The following TJP3 variants were observed in gnomAD, a reference collection of about 807,000 sequenced individuals.
The protein encoded by TJP3 is tight junction protein ZO-3.
Under a neutral mutation model 104.2 loss-of-function variants are expected in TJP3, and 85 were observed. The observed-to-expected ratio is 0.82, with a 90% confidence interval of 0.68 to 0.98. TJP3 has a LOEUF of 0.98. TJP3 is among the 50% of genes least tolerant of loss of function. The pLI, the probability that TJP3 is intolerant of heterozygous loss-of-function variation, is 0.00. For synonymous variants in TJP3, 550 were observed against 550.6 expected (o/e 1.00, Z 0.02); for missense variants, 1,367 against 1,322.8 (o/e 1.03, Z -0.52).
Position 3,734,321 on chromosome 19 carries a change from C to T in TJP3, c.878-6C>T, listed in dbSNP as rs760001909. The T allele has an allele frequency of 9.9e-6, 16 of 1,613,328 alleles. No individual in the cohort carries two copies. The South Asian group carries it at 1.8e-4, about 18-fold the overall frequency. ...ATGGCTGATGAGATGTCCTCTCCCC[C>T]TGCAGACATCTCGGACCTCGCCTCG... On this transcript the variant is annotated splice_polypyrimidine_tract_variant and splice_region_variant and intron_variant, in intron 7 of 20. Coordinates refer to ENST00000541714, the MANE Select transcript of TJP3 (RefSeq NM_001267560.2).
Position 3,738,985 on chromosome 19 carries a change from G to T in TJP3, c.1482G>T (p.Leu494=). 6.2e-7 allele frequency: 1 copy of T among 1,613,276 alleles called. No individual in the cohort carries two copies. Among genetic ancestry groups the T allele is most frequent in the Non-Finnish European group, 8.5e-7 (1 of 1,179,850 alleles). Residue 494 remains leucine (L), a synonymous_variant, in exon 13 of 21, where the codon CTG becomes CTT. Transcript: ENST00000541714. ...FELEPSPPSG[L]GFTRGDVFHV... ...TGGAGCCCAGTCCACCGTCTGGCCT[G>T]GGCTTCACCCGTGGCGACGTCTTCC...
In TJP3 at chr19:3,735,558, C is replaced by A; in HGVS notation, c.987-8C>A. 6.2e-7 allele frequency: 1 copy of A among 1,614,120 alleles called. No individual in the cohort carries two copies. Among genetic ancestry groups the A allele is most frequent in the Non-Finnish European group, 8.5e-7 (1 of 1,179,994 alleles). Reference sequence around the variant, plus strand: ...TCCCTGCCTCACTCCCAATCTGTTCCCCACCAGGGAGAGTCCCCGGCTTCG... The same window carrying A: ...TCCCTGCCTCACTCCCAATCTGTTCACCACCAGGGAGAGTCCCCGGCTTCG... On this transcript the variant is annotated splice_region_variant and splice_polypyrimidine_tract_variant and intron_variant, in intron 8 of 20. Transcript: ENST00000541714.
At chr19:3,721,774 G>C in intron 1 of TJP3, 1 of 477,602 alleles carries the variant, frequency 2.1e-6, no homozygotes, top group Non-Finnish European at 3.3e-6. Context: ...GAGGACGAGA[G>C]CCCGGCCCTC....
In TJP3 at chr19:3,746,756, C is replaced by A; in HGVS notation, c.2222-20C>A. The stretch of plus-strand genomic sequence containing the variant: ...CCCCAGCCTGAGTCTCCTGCACACA[C>A]TGACGTCCCCTCCCTGCAGCCACCA... On this transcript the variant is annotated intron_variant, in intron 17 of 20. Coordinates refer to ENST00000541714, the MANE Select transcript of TJP3 (RefSeq NM_001267560.2). This position sits in a 1 kb window ranked among gnomAD's most constrained non-coding sequence, Gnocchi z 4.1. 3 of 1,601,626 alleles carry A rather than the reference C, an allele frequency of 1.9e-6. No homozygotes were observed. The highest frequency in any genetic ancestry group is 2.6e-6 in the Non-Finnish European group (3 of 1,173,958).
In TJP3 at chr19:3,716,420, C is replaced by G. The variant is rs139931678; in HGVS notation, c.-10+7859C>G. Reference sequence around the variant, plus strand: ...TCAAGACGTTGCCAAGGGTCCCCCTCTGGTGAGAGGCACTGGCTTGGAGTT... The same window carrying G: ...TCAAGACGTTGCCAAGGGTCCCCCTGTGGTGAGAGGCACTGGCTTGGAGTT... On this transcript the variant is annotated intron_variant, in intron 1 of 20. Transcript: ENST00000541714. Among the ~76,000 whole-genome samples, 10 of 148,460 alleles carry G rather than the reference C, an allele frequency of 6.7e-5. 2 individuals carry two copies. The highest frequency in any genetic ancestry group is 1.5e-4 in the Non-Finnish European group (10 of 66,132).
At chr19:3,748,848 C>A (rs1250671549) in intron 19 of TJP3, among the ~76,000 whole-genome samples, 1 of 48,840 alleles carries the variant, frequency 2.0e-5, no homozygotes, top group African/African-American at 1.0e-4. Flanking sequence ...TGCACCCGGC[C>A]TTTTTTTTTT....
At chr19:3,719,790 A>C (rs941392377) in intron 1 of TJP3, among the ~76,000 whole-genome samples, 1 of 151,976 alleles carries the variant, frequency 6.6e-6, no homozygotes, top group Non-Finnish European at 1.5e-5. Context: ...CGATGTGAGA[A>C]GGTGCGTTGA....
intron 12 of TJP3, 32 bp downstream of exon 12, chr19:3,738,695 T>A: frequency 6.3e-7 from 1 of 1,586,596 alleles, no homozygotes; most frequent in South Asian, 1.1e-5. Flanking sequence ...TGTGCCTGTG[T>A]GTTGCGGGGG....
intron 5 of TJP3, among the ~76,000 whole-genome samples, chr19:3,731,003 C>T (rs975989400): frequency 3.9e-5 from 6 of 152,188 alleles, no homozygotes; most frequent in African/African-American, 1.2e-4. Flanking sequence ...ACAACTACAC[C>T]TGGCATCTTC....
intron 5 of TJP3, 49 bp from the exon 6 acceptor site, chr19:3,731,886 G>A (rs1316457871): frequency 5.9e-6 from 9 of 1,532,520 alleles, no homozygotes; most frequent in Admixed American, 3.5e-5. Context: ...ATGCTCCCAG[G>A]CACCCGTCTC....
intron 1 of TJP3, among the ~76,000 whole-genome samples, chr19:3,724,082 C>A (rs1273821041): frequency 6.6e-6 from 1 of 152,086 alleles, no homozygotes; most frequent in Non-Finnish European, 1.5e-5. Context: ...AGGGTTTAGA[C>A]AAAGCTTCTG....
chr19:3,717,983 A>AG (rs1177125432), intron 1 of TJP3, among the ~76,000 whole-genome samples: 3 of 150,212 alleles, frequency 2.0e-5, no homozygotes, highest in African/African-American at 4.9e-5. Context: ...AGGGAGGCCG[A>AG]GGGGGGCGGA....
In TJP3 at chr19:3,733,746, CT is replaced by C. The variant is rs757945114; in HGVS notation, c.718-4del. 1.2e-6 allele frequency: 2 copies of C among 1,614,090 alleles called. No homozygotes were observed. Among genetic ancestry groups the C allele is most frequent in the East Asian group, 4.5e-5 (2 of 44,882 alleles). On this transcript the variant is annotated splice_polypyrimidine_tract_variant and splice_region_variant and intron_variant, in intron 6 of 20. Coordinates refer to ENST00000541714, the MANE Select transcript of TJP3 (RefSeq NM_001267560.2). Reference sequence around the variant, plus strand: ...ACTTCCGCTCTTTCATTCCTGGTCCCTTTCAGATCAACGGGGTGTCTAGCCA... The same window carrying C: ...ACTTCCGCTCTTTCATTCCTGGTCCCTTCAGATCAACGGGGTGTCTAGCCA...
rs1215459660 is a variant in TJP3, at chr19:3,716,801, ATT to A, written c.-10+8255_-10+8256del. Among the ~76,000 whole-genome samples the A allele has an allele frequency of 4.8e-3, 397 of 81,918 alleles. 4 individuals carry two copies. Among genetic ancestry groups the A allele is most frequent in the African/African-American group, 0.019 (379 of 20,406 alleles). The allele number at this position is 81,918 out of a possible 152,430, so 53.7% of individuals were successfully genotyped here. ...CATACATATATATATATATATATAT[ATT>A]TTTTTTTTTTTTTTGAAACAGAGTC... On this transcript the variant is annotated intron_variant, in intron 1 of 20. Transcript: ENST00000541714.
chr19:3,744,103 C>T (rs942979204), intron 15 of TJP3, 69 bp downstream of exon 15: 40 of 1,444,606 alleles, frequency 2.8e-5, no homozygotes, highest in South Asian at 8.1e-5. Context: ...TGTGGGGGGT[C>T]GGGGGAGAGT....
chr19:3,746,163 T>C lies in TJP3; in HGVS notation c.2010+82T>C. 1 of 1,366,942 alleles carries C rather than the reference T, an allele frequency of 7.3e-7. No homozygotes were observed. The highest frequency in any genetic ancestry group is 1.0e-6 in the Non-Finnish European group (1 of 979,354). The allele number at this position is 1,366,942 out of a possible 1,614,324, so 84.7% of individuals were successfully genotyped here. On this transcript the variant is annotated intron_variant, in intron 16 of 20. Transcript: ENST00000541714. The surrounding 1 kb of genome is among the most constrained non-coding windows in gnomAD (Gnocchi z 4.1). Reference sequence around the variant, plus strand: ...GCATCCAACTGAATGTCCTGACCTGTTCTCAGCCCACACCCCACAAGTGCA... The same window carrying C: ...GCATCCAACTGAATGTCCTGACCTGCTCTCAGCCCACACCCCACAAGTGCA...
intron 14 of TJP3, among the ~76,000 whole-genome samples, chr19:3,742,931 A>T (rs1311908571): frequency 6.6e-6 from 1 of 150,724 alleles, no homozygotes; most frequent in Non-Finnish European, 1.5e-5. Context: ...AAGCCACTGC[A>T]CCGCCAGCCT....
At chr19:3,738,840 G>A in intron 12 of TJP3, 57 bp from the exon 13 acceptor site, 1 of 1,487,280 alleles carries the variant, frequency 6.7e-7, no homozygotes, top group South Asian at 1.3e-5. Context: ...CTCGGGTGGG[G>A]AGGGCTCAGA....
In TJP3 at chr19:3,750,662, G is replaced by C. The variant is rs766669415; in HGVS notation, c.2738G>C (p.Trp913Ser). 2.5e-6 allele frequency: 4 copies of C among 1,603,920 alleles called. No individual in the cohort carries two copies. The Admixed American group carries it at 6.8e-5, about 27-fold the overall frequency. The change falls in exon 21 of 21, where the codon TGG becomes TCG. Residue 913 changes from tryptophan (W) to serine (S), a missense_variant. Coordinates refer to ENST00000541714, the MANE Select transcript of TJP3 (RefSeq NM_001267560.2). ...TCCTCCGATGAAGACGGCTATGACTGGGGTCCGGCCACTGACCTGTGACCT... is the reference window on the plus strand; with the variant it reads ...TCCTCCGATGAAGACGGCTATGACTCGGGTCCGGCCACTGACCTGTGACCT... ...AESSDEDGYD[W>S]GPATDL
Sources: allele counts gnomAD v4.1 joint callset (sites outside exome capture counted in the v4.1 genomes callset), GRCh38; gene constraint gnomAD v4.1.1; non-coding constraint Gnocchi (gnomAD v3.1); transcripts MANE v1.5; gene names NCBI Gene and HGNC (gene_info 2026-07-23, HGNC 2026-07-21).